MGST1: variants seen among roughly 807,000 people sequenced by gnomAD.
MGST1 encodes microsomal glutathione S-transferase 1, also known as glutathione S-transferase 12.
In MGST1, 5 loss-of-function variants were observed where a neutral mutation model predicts 8.9. That is an observed-to-expected ratio of 0.56 (90% CI 0.29 to 1.19). The LOEUF (loss-of-function observed/expected upper bound fraction) is 1.19, where lower values mean the gene tolerates loss of function less well. Among genes scored for constraint, MGST1 ranks in the 50% most tolerant of loss-of-function variants. The probability of loss-of-function intolerance (pLI) is 0.08; values close to 1 mark genes in which losing one functional copy is unlikely to be tolerated. For synonymous variants in MGST1, 54 were observed against 67.8 expected (o/e 0.80, Z 1.00); for missense variants, 182 against 187.4 (o/e 0.97, Z 0.17).
intron 1 of MGST1, among the ~76,000 whole-genome samples, chr12:16,416,897 A>G (rs934298879): frequency 1.3e-5 from 2 of 152,162 alleles, no homozygotes; most frequent in Non-Finnish European, 2.9e-5. Flanking sequence ...CCTCATGCCA[A>G]CTGCAGTATA....
Position 16,584,316 on chromosome 12 carries a change from T to C in MGST1, n.483-5212T>C, listed in dbSNP as rs2137562926. Among the ~76,000 whole-genome samples the C allele has an allele frequency of 6.6e-6, 1 of 152,274 alleles. No homozygotes were observed. The highest frequency in any genetic ancestry group is 2.1e-4 in the South Asian group (1 of 4,822). ...ACATGAGTAAGTAGTACCTTGCACCTGTTGACAGCTGAAAGAAAAGTTGCC... is the reference window on the plus strand; with the variant it reads ...ACATGAGTAAGTAGTACCTTGCACCCGTTGACAGCTGAAAGAAAAGTTGCC... On this transcript the variant is annotated intron_variant and non_coding_transcript_variant, in intron 4 of 4. Coordinates refer to the MGST1 transcript ENST00000538857. This position sits in a 1 kb window ranked among gnomAD's most constrained non-coding sequence, Gnocchi z 5.2.
chr12:16,521,245 G>T (rs984659039), intron 4 of MGST1, among the ~76,000 whole-genome samples: 1 of 152,032 alleles, frequency 6.6e-6, no homozygotes, highest in East Asian at 1.9e-4. Flanking sequence ...AGACTATCTT[G>T]TCAGAATAGC....
chr12:16,535,497 T>C (rs1477682245), intron 4 of MGST1, among the ~76,000 whole-genome samples: 1 of 152,212 alleles, frequency 6.6e-6, no homozygotes, highest in Non-Finnish European at 1.5e-5. Context: ...TGGACATTCA[T>C]GTTTGCTTGC....
chr12:16,534,347 A>G (rs998372840), intron 4 of MGST1, among the ~76,000 whole-genome samples: 8 of 152,298 alleles, frequency 5.3e-5, no homozygotes, highest in South Asian at 2.1e-4. Flanking sequence ...TGGCAATACT[A>G]TCTTTTCTAT....
chr12:16,431,322 A>G (rs530431877), intron 1 of MGST1, among the ~76,000 whole-genome samples: 10 of 152,230 alleles, frequency 6.6e-5, no homozygotes, highest in Admixed American at 6.5e-4. Context: ...AATTTCCTTC[A>G]AGAACTTTTC....
intron 4 of MGST1, among the ~76,000 whole-genome samples, chr12:16,526,770 AG>A (rs1282162361): frequency 1.3e-5 from 2 of 152,000 alleles, no homozygotes; most frequent in African/African-American, 4.8e-5. Flanking sequence ...GGCTGTGAAA[AG>A]TGAGCCAGGA....
chr12:16,440,837 G>A (rs1433131834), downstream of MGST1, among the ~76,000 whole-genome samples: 1 of 151,752 alleles, frequency 6.6e-6, no homozygotes, highest in Non-Finnish European at 1.5e-5. Flanking sequence ...GTACTCAAAA[G>A]CTAAATATGA....
At chr12:16,532,708 T>C (rs1298131949) in intron 4 of MGST1, among the ~76,000 whole-genome samples, 3 of 152,166 alleles carry the variant, frequency 2.0e-5, no homozygotes, top group Non-Finnish European at 2.9e-5. Context: ...AATTTCCAGA[T>C]GGCAGATTGG....
downstream of MGST1, among the ~76,000 whole-genome samples, chr12:16,366,141 G>T (rs963010392): frequency 2.0e-5 from 3 of 152,108 alleles, no homozygotes; most frequent in African/African-American, 7.2e-5. This position sits in a 1 kb window ranked among gnomAD's most constrained non-coding sequence, Gnocchi z 4.0. Context: ...AATTATTAGG[G>T]GAAAAGGACG....
downstream of MGST1, among the ~76,000 whole-genome samples, chr12:16,366,297 ATAC>A (rs4149220): frequency 0.081 from 12,327 of 152,172 alleles, 580 homozygotes; most frequent in East Asian, 0.22. This position sits in a 1 kb window ranked among gnomAD's most constrained non-coding sequence, Gnocchi z 4.0. Flanking sequence ...GTTTCTAACT[ATAC>A]TTTTACTCCC....
At chr12:16,478,292 T>A (rs1350027856) in intron 4 of MGST1, among the ~76,000 whole-genome samples, 1 of 152,188 alleles carries the variant, frequency 6.6e-6, no homozygotes, top group Non-Finnish European at 1.5e-5. Context: ...CTTCCCAAAG[T>A]GTTGGGATTA....
intron 4 of MGST1, among the ~76,000 whole-genome samples, chr12:16,583,323 A>C (rs963670233): frequency 6.6e-6 from 1 of 152,158 alleles, no homozygotes; most frequent in African/African-American, 2.4e-5. Context: ...TTTTTAAAAA[A>C]ATTAGACAAT....
At chr12:16,381,952 T>C (rs1940457015), downstream of MGST1, among the ~76,000 whole-genome samples, 1 of 152,236 alleles carries the variant, frequency 6.6e-6, no homozygotes, top group Non-Finnish European at 1.5e-5. Flanking sequence ...TTCTGCATTC[T>C]TCACATAGCT....
intron 1 of MGST1, chr12:16,399,156 A>G (rs542081410): frequency 1.9e-6 from 2 of 1,078,436 alleles, no homozygotes; most frequent in East Asian, 2.4e-5. Context: ...CCCGAAACCC[A>G]TAAACACAAA....
In MGST1 at chr12:16,401,864, T is replaced by G. The variant is rs1429854771; in HGVS notation, n.778+18260T>G. 1 of 1,604,368 alleles carries G rather than the reference T, an allele frequency of 6.2e-7. No homozygotes were observed. The highest frequency in any genetic ancestry group is 1.3e-5 in the African/African-American group (1 of 74,740). ...TGAAGACTTCAGAAGTGATGCCAGC[T>G]GCTTTCTTCATTAATTTGAGCTCCC... On this transcript the variant is annotated intron_variant and non_coding_transcript_variant, in intron 1 of 1. Transcript: ENST00000359720. The surrounding 1 kb of genome is among the most constrained non-coding windows in gnomAD (Gnocchi z 4.3).
chr12:16,502,523 A>G (rs570738687), intron 4 of MGST1, among the ~76,000 whole-genome samples: 1 of 152,326 alleles, frequency 6.6e-6, no homozygotes, highest in African/African-American at 2.4e-5. Context: ...AATGAAAAAT[A>G]AGTACTTGAA....
intron 1 of MGST1, among the ~76,000 whole-genome samples, chr12:16,433,842 A>G (rs1326328087): frequency 6.6e-6 from 1 of 152,042 alleles, no homozygotes; most frequent in Non-Finnish European, 1.5e-5. Context: ...GATTATATGT[A>G]TGTTTCTACC....
chr12:16,527,425 G>A (rs1010489475), intron 4 of MGST1, among the ~76,000 whole-genome samples: 2 of 151,930 alleles, frequency 1.3e-5, no homozygotes. Context: ...ACTCTGATAG[G>A]ATATAGGTAT....
rs187141682 is a variant in MGST1, at chr12:16,385,724, C to T, written n.778+2120C>T. Among the ~76,000 whole-genome samples, 872 of 147,342 alleles carry T rather than the reference C, an allele frequency of 5.9e-3. 3 individuals carry two copies. Among genetic ancestry groups the T allele is most frequent in the Non-Finnish European group, 9.6e-3 (643 of 67,272 alleles). ...TTTTTTTTTTCCTCAATCTGGGTGG[C>T]TAACTTTGATTTGTCTTTGGCACGA... is the stretch of plus-strand genomic sequence containing the variant. On this transcript the variant is annotated intron_variant and non_coding_transcript_variant, in intron 1 of 1. Transcript: ENST00000359720.
Sources: allele counts gnomAD v4.1 joint callset (sites outside exome capture counted in the v4.1 genomes callset), GRCh38; gene constraint gnomAD v4.1.1; non-coding constraint Gnocchi (gnomAD v3.1); transcripts MANE v1.5; gene names NCBI Gene and HGNC (gene_info 2026-07-23, HGNC 2026-07-21).